Variants in KLHL28 observed in about 807,000 individuals in gnomAD.
KLHL28 encodes kelch-like protein 28.
A neutral mutation model predicts 48.3 loss-of-function variants in KLHL28; 22 were observed. That is an observed-to-expected ratio of 0.46 (90% CI 0.33 to 0.65). The LOEUF (loss-of-function observed/expected upper bound fraction) is 0.65, where lower values mean the gene tolerates loss of function less well. Among genes scored for constraint, KLHL28 ranks in the 30% least tolerant of loss-of-function variants. The probability of loss-of-function intolerance (pLI) is 0.03; values close to 1 mark genes in which losing one functional copy is unlikely to be tolerated. For missense variants in KLHL28, 527 were observed against 704.3 expected (o/e 0.75, Z 2.85); for synonymous variants, 243 against 242.4 (o/e 1.00, Z -0.02).
At chr14:44,949,267 TAAG>T (rs886785411) in intron 1 of KLHL28, among the ~76,000 whole-genome samples, 1 of 152,106 alleles carries the variant, frequency 6.6e-6, no homozygotes, top group African/African-American at 2.4e-5. Flanking sequence ...TGAATACCGA[TAAG>T]AAGATGTAGA....
intron 1 of KLHL28, 78 bp from the exon 2 acceptor site, chr14:44,946,006 A>G: frequency 9.0e-7 from 1 of 1,114,874 alleles, no homozygotes; most frequent in Non-Finnish European, 1.3e-6. Flanking sequence ...ATAGTACAGA[A>G]TAATCAGATT....
Position 44,934,138 on chromosome 14 carries a change from C to T in KLHL28, c.1320G>A (p.Gly440=). The change falls in exon 3 of 5, where the codon GGG becomes GGA. Residue 440 remains glycine, a synonymous_variant. Transcript: ENST00000396128. The part of the protein sequence containing the change: ...VLDGMIYAIG[G]YGPAHMNSVE... The stretch of plus-strand genomic sequence containing the variant: ...ACCTGTTCATGTGGGCAGGACCATA[C>T]CCACCAATGGCATATATCATTCCAT... The T allele has an allele frequency of 4.3e-6, 7 of 1,613,458 alleles. No individual in the cohort carries two copies. The highest frequency in any genetic ancestry group is 2.2e-5 in the East Asian group (1 of 44,884).
chr14:44,929,466 T>G (rs1883493542), intron 4 of KLHL28, among the ~76,000 whole-genome samples: 1 of 152,190 alleles, frequency 6.6e-6, no homozygotes, highest in South Asian at 2.1e-4. Flanking sequence ...TATTACAATA[T>G]ATTGTTACAA....
chr14:44,932,484 G>T (rs1355032982), intron 3 of KLHL28, among the ~76,000 whole-genome samples: 4 of 152,174 alleles, frequency 2.6e-5, no homozygotes, highest in Non-Finnish European at 5.9e-5. Flanking sequence ...GGCTTCCCTA[G>T]AAAATTCTAG....
At chr14:44,938,535 C>T (rs1156689069) in intron 2 of KLHL28, among the ~76,000 whole-genome samples, 2 of 152,078 alleles carry the variant, frequency 1.3e-5, no homozygotes, top group Admixed American at 6.6e-5. Context: ...CCACGCCCAG[C>T]TAATTTTTGT....
At chr14:44,934,655 T>A in intron 2 of KLHL28, 97 bp from the exon 3 acceptor site, 1 of 908,880 alleles carries the variant, frequency 1.1e-6, no homozygotes, top group Non-Finnish European at 1.6e-6. Context: ...ACACAAAAAT[T>A]AAAAGCACAA....
chr14:44,952,609 A>G (rs887075327), intron 1 of KLHL28, among the ~76,000 whole-genome samples: 4 of 152,134 alleles, frequency 2.6e-5, no homozygotes, highest in African/African-American at 7.2e-5. Context: ...TCATGGCACA[A>G]TGCAACCTCA....
rs1369024564 is a variant in KLHL28, at chr14:44,945,044, A to G, written c.885T>C (p.Phe295=). 6.2e-6 allele frequency: 10 copies of G among 1,601,070 alleles called. No homozygotes were observed. The highest frequency in any genetic ancestry group is 8.5e-6 in the Non-Finnish European group (10 of 1,169,656). ...CTTCTATTTACCTATCCAAACAGGC[A>G]AAGAGTCCAGATTTCCCTCCTACTG... ...LCAVGGKSGL[F]ACLDSVEMYF... is the part of the protein sequence containing the mutation. Residue 295 remains phenylalanine (F), a synonymous_variant, in exon 2 of 5, where the codon TTT becomes TTC. Coordinates refer to ENST00000396128, the MANE Select transcript of KLHL28 (RefSeq NM_017658.5).
intron 1 of KLHL28, among the ~76,000 whole-genome samples, chr14:44,949,851 T>C (rs1884500074): frequency 6.6e-6 from 1 of 152,142 alleles, no homozygotes. Flanking sequence ...TATGTGGGTT[T>C]AAGCTGCATT....
At chr14:44,947,800 C>A (rs1884400169) in intron 1 of KLHL28, among the ~76,000 whole-genome samples, 1 of 152,144 alleles carries the variant, frequency 6.6e-6, no homozygotes, top group Non-Finnish European at 1.5e-5. Context: ...GTTAATATGG[C>A]CACTTTCCAG....
chr14:44,940,660 C>G (rs1186783436), intron 2 of KLHL28, among the ~76,000 whole-genome samples: 2 of 152,134 alleles, frequency 1.3e-5, no homozygotes, highest in African/African-American at 2.4e-5. Flanking sequence ...TCAACCCCCC[C>G]GCCAGCCAGT....
At chr14:44,957,410 A>T (rs1338032282) in intron 1 of KLHL28, among the ~76,000 whole-genome samples, 1 of 152,228 alleles carries the variant, frequency 6.6e-6, no homozygotes, top group Middle Eastern at 3.2e-3. Context: ...TAGCAAAATC[A>T]CATAATTAGT....
rs1272759382 is a variant in KLHL28 at position 44,926,814 on chromosome 14, CA to C, written c.*2213del. On this transcript the variant is annotated 3_prime_UTR_variant, in exon 5 of 5. Transcript: ENST00000396128. ...TGAGCCACTGCGCCCGTCCTAAAAT[CA>C]TTTTCCACAGTCTTTCAAATTCCCT... 1 of 152,156 alleles carries C rather than the reference CA, an allele frequency of 6.6e-6. No individual in the cohort carries two copies. Among genetic ancestry groups the C allele is most frequent in the Non-Finnish European group, 1.5e-5 (1 of 68,038 alleles). 9.4% of individuals were successfully genotyped at this position (152,156 alleles called of 1,614,324 possible).
chr14:44,929,182 G>A lies in KLHL28; in HGVS notation c.1562C>T (p.Ala521Val). 8 of 1,602,150 alleles carry A rather than the reference G, an allele frequency of 5.0e-6. No homozygotes were observed. Among genetic ancestry groups the A allele is most frequent in the Non-Finnish European group, 6.8e-6 (8 of 1,173,722 alleles). The change falls in exon 5 of 5, where the codon GCT (alanine) becomes GTT (valine). Residue 521 changes from alanine to valine, a missense_variant. Transcript: ENST00000396128. ...ATAAAGGTAGTTATCGATTACAGCA[G>A]CACCAACTCCTAGGAAAGGTTGGCA... The part of the protein sequence containing the change: ...PMKEPRTGVG[A>V]AVIDNYLYVV...
intron 1 of KLHL28, among the ~76,000 whole-genome samples, chr14:44,951,120 G>A (rs1228168206): frequency 6.6e-6 from 1 of 152,240 alleles, no homozygotes; most frequent in East Asian, 1.9e-4. Flanking sequence ...TGAAAACTAT[G>A]GCTAAGCAGT....
At chr14:44,940,220 G>C (rs1884011240) in intron 2 of KLHL28, among the ~76,000 whole-genome samples, 1 of 152,174 alleles carries the variant, frequency 6.6e-6, no homozygotes, top group African/African-American at 2.4e-5. Flanking sequence ...CCCTTCATGA[G>C]AGCAGAGCCC....
At chr14:44,943,925 A>G (rs907600668) in intron 2 of KLHL28, among the ~76,000 whole-genome samples, 1 of 152,106 alleles carries the variant, frequency 6.6e-6, no homozygotes, top group African/African-American at 2.4e-5. Flanking sequence ...TATAATGCCC[A>G]GGCTTGTCTC....
intron 1 of KLHL28, among the ~76,000 whole-genome samples, chr14:44,948,168 C>G (rs1884416515): frequency 6.6e-6 from 1 of 152,078 alleles, no homozygotes; most frequent in African/African-American, 2.4e-5. Context: ...GAAAGCAGTC[C>G]TCGTTAACTT....
intron 2 of KLHL28, among the ~76,000 whole-genome samples, chr14:44,941,683 GT>G (rs1267418552): frequency 6.7e-6 from 1 of 150,016 alleles, no homozygotes; most frequent in Non-Finnish European, 1.5e-5. Context: ...AAGTCATTAT[GT>G]TCTCCATAAT....
Sources: allele counts gnomAD v4.1 joint callset (sites outside exome capture counted in the v4.1 genomes callset), GRCh38; gene constraint gnomAD v4.1.1; transcripts MANE v1.5; gene names NCBI Gene and HGNC (gene_info 2026-07-23, HGNC 2026-07-21).